Variants in ATP7B observed in about 807,000 individuals in gnomAD.
ATP7B encodes the protein ATPase copper transporting beta, also known as copper-transporting ATPase 2.
In ATP7B, 113 loss-of-function variants were observed where a neutral mutation model predicts 118.9. That is an observed-to-expected ratio of 0.95 (90% confidence interval 0.82 to 1.11). The LOEUF is 1.11. ATP7B is among the 50% of genes most tolerant of loss of function. The pLI is 0.00. For synonymous variants in ATP7B, 777 were observed against 727.4 expected, an observed-to-expected ratio of 1.07 and a Z score of -1.10; for missense variants, 1,867 against 1,871.4, an observed-to-expected ratio of 1.00 and a Z score of 0.04.
In ATP7B at chr13:51,974,559, G is replaced by A; in HGVS notation, c.661C>T (p.Pro221Ser). The A allele has an allele frequency of 1.9e-6, 3 of 1,614,144 alleles. No individual in the cohort carries two copies. Among genetic ancestry groups the A allele is most frequent in the Non-Finnish European group, 8.5e-7 (1 of 1,180,040 alleles). ...CTTTGTAACCGCTCAATATCAATTG[G>A]TCCCAGGCTTAAGGGAGCCACTTTG... ...KSKVAPLSLG[P>S]IDIERLQSTN... Residue 221 changes from proline (P) to serine (S), a missense_variant, in exon 2 of 21, where the codon CCA becomes TCA. Physicochemically the swap from Pro to Ser is moderately conservative, Grantham distance 74 (BLOSUM62 -1). Transcript: ENST00000242839.
chr13:51,974,223 C>G lies in ATP7B; in HGVS notation c.997G>C (p.Gly333Arg). 3 of 1,614,072 alleles carry G rather than the reference C, an allele frequency of 1.9e-6. No individual in the cohort carries two copies. The highest frequency in any genetic ancestry group is 2.5e-6 in the Non-Finnish European group (3 of 1,180,014). Reference protein sequence around the residue: ...FKVSLPDGAEGSGTDHRSSSS... With the variant: ...FKVSLPDGAERSGTDHRSSSS... ...GAAGACCTGTGATCTGTCCCACTCC[C>G]TTCGGCTCCATCAGGAAGAGAAACT... The change falls in exon 2 of 21, where the codon GGG (glycine) becomes CGG (arginine). Residue 333 changes from glycine to arginine, a missense_variant. Gly to Arg is a moderately radical substitution (Grantham distance 125, BLOSUM62 -2). Transcript: ENST00000242839.
Position 51,968,911 on chromosome 13 carries a change from G to A in ATP7B, c.1544-304C>T, listed in dbSNP as rs116389198. On this transcript the variant is annotated intron_variant, in intron 3 of 20. Coordinates refer to ENST00000242839, the MANE Select transcript of ATP7B (RefSeq NM_000053.4). ...GAATCTCACTCTGTTGCCCAGGCTG[G>A]GTACAGTAGCATGATCTCGGCTCAC... 0.011 allele frequency among the ~76,000 whole-genome samples: 1,643 copies of A among 149,360 alleles called. 41 individuals are homozygous for A. The highest frequency in any genetic ancestry group is 0.039 in the African/African-American group (1,596 of 40,480).
intron 8 of ATP7B, chr13:51,957,817 T>C (rs1958456123): frequency 1.7e-6 from 1 of 589,564 alleles, no homozygotes; most frequent in Non-Finnish European, 3.0e-6. Context: ...CCTGTGCCAC[T>C]AAAGTCCGGG....
chr13:51,941,734 A>T (rs1392528604), intron 15 of ATP7B, among the ~76,000 whole-genome samples: 1 of 152,326 alleles, frequency 6.6e-6, no homozygotes, highest in Non-Finnish European at 1.5e-5. Context: ...CTGAGGTGTC[A>T]CTGAACGGCC....
At chr13:51,960,427 A>T in intron 6 of ATP7B, 105 bp from the exon 7 acceptor site, 1 of 1,409,502 alleles carries the variant, frequency 7.1e-7, no homozygotes, top group Non-Finnish European at 9.8e-7. Flanking sequence ...CCTTTGTCAC[A>T]TGTCTGGGAC....
rs1061472 is a variant in ATP7B, at chr13:51,950,352, T to G, written c.2495A>C (p.Lys832Thr). The G allele has an allele frequency of 1.2e-6, 2 of 1,613,778 alleles. No individual in the cohort carries two copies. Among genetic ancestry groups the G allele is most frequent in the African/African-American group, 2.7e-5 (2 of 74,822 alleles). The change falls in exon 10 of 21, where the codon AAG becomes ACG. Residue 832 changes from lysine (K) to threonine (T), a missense_variant. Lys to Thr is a moderately conservative substitution (Grantham distance 78). Coordinates refer to ENST00000242839, the MANE Select transcript of ATP7B (RefSeq NM_000053.4). ...MELVQRGDIV[K>T]VVPGGKFPVD... is the part of the protein sequence containing the mutation. ...TGGAAACTTTCCCCCAGGGACCACCTTGACGATATCGCCCCGCTGCACCAG... is the reference window on the plus strand; with the variant it reads ...TGGAAACTTTCCCCCAGGGACCACCGTGACGATATCGCCCCGCTGCACCAG...
At chr13:51,971,727 C>G (rs1002228214) in intron 2 of ATP7B, among the ~76,000 whole-genome samples, 1 of 152,260 alleles carries the variant, frequency 6.6e-6, no homozygotes, top group Admixed American at 6.5e-5. Flanking sequence ...GGCCAGGCCA[C>G]TCCACATGAA....
chr13:52,012,042 G>T, upstream of ATP7B: 1 of 426,680 alleles, frequency 2.3e-6, no homozygotes, highest in Non-Finnish European at 4.4e-6. Flanking sequence ...TCCGCTGTGC[G>T]CAAAGGCCAG....
intron 1 of ATP7B, among the ~76,000 whole-genome samples, chr13:51,980,806 C>A (rs1952374884): frequency 6.6e-6 from 1 of 152,164 alleles, no homozygotes; most frequent in Non-Finnish European, 1.5e-5. Context: ...CTCAAGAATT[C>A]TTTCACTTTG....
chr13:52,010,793 G>T (rs927512769), intron 1 of ATP7B, among the ~76,000 whole-genome samples: 1 of 152,190 alleles, frequency 6.6e-6, no homozygotes, highest in South Asian at 2.1e-4. Context: ...AATAGAAAAA[G>T]ACTGAAAAAT....
At chr13:51,962,072 T>C (rs1445286346) in intron 5 of ATP7B, among the ~76,000 whole-genome samples, 159 bp from the exon 6 acceptor site, 1 of 152,212 alleles carries the variant, frequency 6.6e-6, no homozygotes, top group Non-Finnish European at 1.5e-5. Context: ...CTTTACCCAA[T>C]AGCCCTACAA....
Position 51,975,393 on chromosome 13 carries a change from G to A in ATP7B, c.52-225C>T, listed in dbSNP as rs748184759. Reference sequence around the variant, plus strand: ...AGAAGCTAACTGTCTGTCCTCCTTAGTGAAATGTCGTTCTCACACAACAGA... The same window carrying A: ...AGAAGCTAACTGTCTGTCCTCCTTAATGAAATGTCGTTCTCACACAACAGA... On this transcript the variant is annotated intron_variant, in intron 1 of 20. Coordinates refer to ENST00000242839, the MANE Select transcript of ATP7B (RefSeq NM_000053.4). 55 of 714,172 alleles carry A rather than the reference G, an allele frequency of 7.7e-5. No individual in the cohort carries two copies. In the East Asian group the frequency reaches 1.5e-3, roughly 20 times the overall value. The allele number at this position is 714,172 out of a possible 1,614,324, so 44.2% of individuals were successfully genotyped here.
chr13:51,970,310 A>G (rs1438425959), intron 3 of ATP7B, among the ~76,000 whole-genome samples, 182 bp downstream of exon 3: 1 of 152,218 alleles, frequency 6.6e-6, no homozygotes, highest in Admixed American at 6.5e-5. Context: ...CTCAAACTAA[A>G]TACTTCTTAA....
At chr13:51,985,512 G>T (rs991046898) in intron 1 of ATP7B, among the ~76,000 whole-genome samples, 3 of 152,020 alleles carry the variant, frequency 2.0e-5, no homozygotes, top group African/African-American at 7.2e-5. Flanking sequence ...GATCAATGAG[G>T]CAGAAAATTA....
intron 13 of ATP7B, 44 bp from the exon 14 acceptor site, chr13:51,944,335 G>T: frequency 1.2e-6 from 2 of 1,610,648 alleles, no homozygotes; most frequent in East Asian, 2.2e-5. Context: ...TACAGATGGA[G>T]GGGCTTCCAT....
intron 8 of ATP7B, 120 bp downstream of exon 8, chr13:51,958,191 T>A (rs1730065494): frequency 4.2e-6 from 5 of 1,203,596 alleles, no homozygotes; most frequent in Non-Finnish European, 6.0e-6. Flanking sequence ...GGAGGTTTCC[T>A]ATTTCTTTAA....
intron 2 of ATP7B, 85 bp downstream of exon 2, chr13:51,973,850 G>A: frequency 6.3e-7 from 1 of 1,584,470 alleles, no homozygotes. Context: ...AGGGAGCAGG[G>A]CTCACCTATA....
At chr13:51,977,799 C>T (rs968599131) in intron 1 of ATP7B, among the ~76,000 whole-genome samples, 14 of 152,192 alleles carry the variant, frequency 9.2e-5, no homozygotes, top group African/African-American at 2.2e-4. Context: ...ACAACAGCTG[C>T]GAGATCACTA....
At chr13:51,992,047 T>C (rs769358370) in intron 1 of ATP7B, among the ~76,000 whole-genome samples, 2 of 150,994 alleles carry the variant, frequency 1.3e-5, no homozygotes, top group Non-Finnish European at 2.9e-5. Context: ...GTCTGAAACA[T>C]AGAAGAATCA....
Sources: allele counts gnomAD v4.1 joint callset (sites outside exome capture counted in the v4.1 genomes callset), GRCh38; gene constraint gnomAD v4.1.1; transcripts MANE v1.5; gene names NCBI Gene and HGNC (gene_info 2026-07-23, HGNC 2026-07-21).